Variants in DYNC2H1 observed in about 807,000 individuals in gnomAD.
The protein encoded by DYNC2H1 is cytoplasmic dynein 2 heavy chain 1.
Under a neutral mutation model 570.0 loss-of-function variants are expected in DYNC2H1, and 410 were observed. That is an observed-to-expected ratio of 0.72 (90% confidence interval 0.66 to 0.78). DYNC2H1 has a LOEUF of 0.78. Among genes scored for constraint, DYNC2H1 ranks in the 30% least tolerant of loss-of-function variants. The probability of loss-of-function intolerance (pLI) is 0.00; values close to 1 mark genes in which losing one functional copy is unlikely to be tolerated. For missense variants in DYNC2H1, 4,865 were observed against 5,046.4 expected, an observed-to-expected ratio of 0.96 and a Z score of 1.09; for synonymous variants, 1,688 against 1,677.6, an observed-to-expected ratio of 1.01 and a Z score of -0.15.
At chr11:103,128,762 A>T in intron 12 of DYNC2H1, 148 bp from the exon 13 acceptor site, 1 of 598,868 alleles carries the variant, frequency 1.7e-6, no homozygotes. Flanking sequence ...GTATTAATAC[A>T]TGAACAAATG....
intron 55 of DYNC2H1, among the ~76,000 whole-genome samples, chr11:103,219,351 C>T (rs528141029): frequency 1.0e-3 from 114 of 109,512 alleles, no homozygotes; most frequent in African/African-American, 4.0e-3. Flanking sequence ...CAGTGGCTCA[C>T]GCCAGTAATC....
rs1022701843 is a variant in DYNC2H1 at position 103,225,860 on chromosome 11, A to T, written c.9353+2774A>T. On this transcript the variant is annotated intron_variant, in intron 59 of 88. Coordinates refer to ENST00000375735, the MANE Select transcript of DYNC2H1 (RefSeq NM_001377.3). ...TTTTGGCAGTATGGTCATTTTCACA[A>T]TATCGATTCTGCCCATCTGTGAGCA... is the stretch of plus-strand genomic sequence containing the variant. 4.6e-5 allele frequency among the ~76,000 whole-genome samples: 7 copies of T among 152,098 alleles called. No homozygotes were observed. In the South Asian group the frequency reaches 6.2e-4, roughly 14 times the overall value.
Position 103,466,480 on chromosome 11 carries a change from A to G in DYNC2H1, c.12649-2109A>G, listed in dbSNP as rs1030077210. On this transcript the variant is annotated intron_variant, in intron 87 of 88. Coordinates refer to ENST00000375735, the MANE Select transcript of DYNC2H1 (RefSeq NM_001377.3). ...GAAAACACAGGCCACAGACTAGGAA[A>G]AGATACTAGTATCTTGTATAACTGA... is the stretch of plus-strand genomic sequence containing the variant. 3.9e-5 allele frequency among the ~76,000 whole-genome samples: 6 copies of G among 152,172 alleles called. No individual in the cohort carries two copies. The East Asian group carries it at 1.2e-3, about 29-fold the overall frequency.
chr11:103,430,333 G>T (rs563996240), intron 84 of DYNC2H1, among the ~76,000 whole-genome samples: 4 of 152,000 alleles, frequency 2.6e-5, no homozygotes, highest in Admixed American at 2.6e-4. Context: ...GAGGGTTGTC[G>T]TAAGATATAA....
chr11:103,121,111 A>G, intron 9 of DYNC2H1, 75 bp downstream of exon 9: 2 of 987,512 alleles, frequency 2.0e-6, no homozygotes, highest in Non-Finnish European at 1.4e-6. Flanking sequence ...GTTGCATACC[A>G]TTTAGGATTA....
At chr11:103,361,676 A>T (rs1263209543) in intron 83 of DYNC2H1, among the ~76,000 whole-genome samples, 1 of 152,220 alleles carries the variant, frequency 6.6e-6, no homozygotes, top group East Asian at 1.9e-4. Context: ...GGCAGCTTAC[A>T]TTACGGTGGC....
chr11:103,387,743 A>G (rs1591664810), intron 83 of DYNC2H1, among the ~76,000 whole-genome samples: 1 of 152,204 alleles, frequency 6.6e-6, no homozygotes. Context: ...TCCCAGCACC[A>G]TTTATTAAAA....
At position 103,133,628 on chromosome 11, in the gene DYNC2H1, A is replaced by C. The variant is rs752041287; in HGVS notation, c.2027A>C (p.Gln676Pro). ...CCTAAAGAATTAGAAGGCTATATCCAAAAACTCCAAAATGCTGCTGAACGG... is the reference window on the plus strand; with the variant it reads ...CCTAAAGAATTAGAAGGCTATATCCCAAAACTCCAAAATGCTGCTGAACGG... ...DNPKELEGYI[Q>P]KLQNAAERLA... The change falls in exon 14 of 89, where the codon CAA becomes CCA. Residue 676 changes from glutamine to proline, a missense_variant. Gln to Pro is a moderately conservative substitution (Grantham distance 76, BLOSUM62 -1). Transcript: ENST00000375735. This position sits in a 1 kb window ranked among gnomAD's most constrained non-coding sequence, Gnocchi z 4.8. 1.6e-5 allele frequency: 26 copies of C among 1,612,812 alleles called. No individual in the cohort carries two copies. The highest frequency in any genetic ancestry group is 4.0e-5 in the African/African-American group (3 of 74,884).
intron 29 of DYNC2H1, 35 bp from the exon 30 acceptor site, chr11:103,162,993 G>A (rs1565356452): frequency 6.4e-7 from 1 of 1,566,182 alleles, no homozygotes; most frequent in Non-Finnish European, 8.7e-7. Context: ...TTTATTTTAT[G>A]TCTTGTTTAT....
chr11:103,474,958 G>C (rs1426083736), intron 88 of DYNC2H1, among the ~76,000 whole-genome samples: 1 of 152,244 alleles, frequency 6.6e-6, no homozygotes, highest in South Asian at 2.1e-4. Flanking sequence ...ATGTTTTTAA[G>C]TCATTTTGCC....
Position 103,177,739 on chromosome 11 carries a change from G to A in DYNC2H1, c.6058G>A (p.Gly2020Ser). 6.2e-7 allele frequency: 1 copy of A among 1,613,350 alleles called. No individual in the cohort carries two copies. The highest frequency in any genetic ancestry group is 8.5e-7 in the Non-Finnish European group (1 of 1,179,664). The change falls in exon 38 of 89, where the codon GGC becomes AGC. Residue 2020 changes from glycine to serine, a missense_variant. Gly to Ser is a moderately conservative substitution (Grantham distance 56). Coordinates refer to ENST00000375735, the MANE Select transcript of DYNC2H1 (RefSeq NM_001377.3). This position sits in a 1 kb window ranked among gnomAD's most constrained non-coding sequence, Gnocchi z 4.4. Reference protein sequence around the residue: ...PKAMPRYQLLGHIDMDTREWS... With the variant: ...PKAMPRYQLLSHIDMDTREWS... Reference sequence around the variant, plus strand: ...AGCTATGCCTCGATATCAATTATTAGGCCATATTGACATGGACACAAGAGA... The same window carrying A: ...AGCTATGCCTCGATATCAATTATTAAGCCATATTGACATGGACACAAGAGA...
rs1859123963 is a variant in DYNC2H1, at chr11:103,128,808, A to G, written c.1858-102A>G. On this transcript the variant is annotated intron_variant, in intron 12 of 88. Transcript: ENST00000375735. ...GATGAAAAACCAATTTTCTGTTTAA[A>G]TTTTAGGATTGAGAAAAGTTAACAT... 3 of 1,033,756 alleles carry G rather than the reference A, an allele frequency of 2.9e-6. No individual in the cohort carries two copies. The Admixed American group carries it at 9.1e-5, about 31-fold the overall frequency. The allele number at this position is 1,033,756 out of a possible 1,614,324, so 64.0% of individuals were successfully genotyped here. A position where few individuals can be genotyped will look rare whatever the true frequency, so the allele number is the denominator to read the frequency against.
At chr11:103,431,836 G>A (rs1426199237) in intron 84 of DYNC2H1, among the ~76,000 whole-genome samples, 3 of 152,066 alleles carry the variant, frequency 2.0e-5, no homozygotes, top group East Asian at 1.9e-4. Context: ...GCAAAACTTC[G>A]TAGCCCAATT....
intron 70 of DYNC2H1, among the ~76,000 whole-genome samples, chr11:103,263,639 A>G (rs1865400426): frequency 6.6e-6 from 1 of 152,238 alleles, no homozygotes; most frequent in Non-Finnish European, 1.5e-5. Flanking sequence ...TTAAGGCAGA[A>G]ATAAATAAGT....
At chr11:103,380,171 T>C (rs1393046432) in intron 83 of DYNC2H1, among the ~76,000 whole-genome samples, 1 of 152,194 alleles carries the variant, frequency 6.6e-6, no homozygotes, top group Non-Finnish European at 1.5e-5. Flanking sequence ...CCATTAAGTA[T>C]TTACAGGAAT....
At position 103,176,320 on chromosome 11, in the gene DYNC2H1, A is replaced by C. The variant is rs932048082; in HGVS notation, c.5760A>C (p.Ala1920=). ...FTFTDCTRFD[A]LIKDVFPGIE... is the part of the protein sequence containing the mutation. ...TTACTGATTGCACCCGGTTTGATGCACTGATAAAAGATGTCTTTCCGGGAA... is the reference window on the plus strand; with the variant it reads ...TTACTGATTGCACCCGGTTTGATGCCCTGATAAAAGATGTCTTTCCGGGAA... Residue 1920 remains alanine, a synonymous_variant, in exon 37 of 89, where the codon GCA becomes GCC. Transcript: ENST00000375735. 2.6e-6 allele frequency: 4 copies of C among 1,568,014 alleles called. No individual in the cohort carries two copies. In the East Asian group the frequency reaches 9.4e-5, roughly 37 times the overall value.
At chr11:103,216,528 C>T (rs1449865679) in intron 55 of DYNC2H1, among the ~76,000 whole-genome samples, 3 of 152,136 alleles carry the variant, frequency 2.0e-5, no homozygotes, top group African/African-American at 7.2e-5. Context: ...CATGGTCACT[C>T]ATGCTGTAAT....
At chr11:103,286,592 T>C (rs1342316865) in intron 74 of DYNC2H1, among the ~76,000 whole-genome samples, 2 of 152,228 alleles carry the variant, frequency 1.3e-5, no homozygotes, top group Admixed American at 1.3e-4. Flanking sequence ...TGTGGCTTTT[T>C]TTATTCCTTT....
At chr11:103,462,374 A>T (rs1301681070) in intron 87 of DYNC2H1, among the ~76,000 whole-genome samples, 1 of 149,608 alleles carries the variant, frequency 6.7e-6, no homozygotes, top group Non-Finnish European at 1.5e-5. Context: ...TTTACATTGT[A>T]TCATAAGGCA....
Sources: allele counts gnomAD v4.1 joint callset (sites outside exome capture counted in the v4.1 genomes callset), GRCh38; gene constraint gnomAD v4.1.1; non-coding constraint Gnocchi (gnomAD v3.1); transcripts MANE v1.5; gene names NCBI Gene and HGNC (gene_info 2026-07-23, HGNC 2026-07-21).